Variants in ANKFN1 observed in about 807,000 individuals in gnomAD.
The protein encoded by ANKFN1 is ankyrin repeat and fibronectin type-III domain-containing protein 1.
A neutral mutation model predicts 108.7 loss-of-function variants in ANKFN1; 74 were observed. The observed-to-expected ratio is 0.68, with a 90% CI of 0.56 to 0.83. The LOEUF (loss-of-function observed/expected upper bound fraction) is 0.83, where lower values mean the gene tolerates loss of function less well. Ranked by LOEUF, ANKFN1 falls within the 40% of genes least tolerant of loss-of-function variation. The pLI, the probability that ANKFN1 is intolerant of heterozygous loss-of-function variation, is 0.00. For synonymous variants in ANKFN1, 547 were observed against 516.2 expected (o/e 1.06, Z -0.81); for missense variants, 1,505 against 1,382.3 (o/e 1.09, Z -1.41).
chr17:56,251,545 T>C (rs2043236457), intron 3 of ANKFN1, among the ~76,000 whole-genome samples: 1 of 152,230 alleles, frequency 6.6e-6, no homozygotes, highest in South Asian at 2.1e-4. Context: ...GGAGAGACTT[T>C]TGTGAAGCAG....
intron 4 of ANKFN1, among the ~76,000 whole-genome samples, chr17:56,092,367 C>T (rs1406792917): frequency 6.7e-6 from 1 of 148,960 alleles, no homozygotes; most frequent in African/African-American, 2.5e-5. Flanking sequence ...CTCTGCCTCC[C>T]GGGTTCAGGT....
chr17:56,421,607 G>T (rs1011959859), intron 8 of ANKFN1, among the ~76,000 whole-genome samples: 1 of 152,116 alleles, frequency 6.6e-6, no homozygotes, highest in African/African-American at 2.4e-5. Context: ...GCATTAGTAC[G>T]CATACCCTGT....
chr17:56,257,161 G>T (rs954087775), intron 3 of ANKFN1, among the ~76,000 whole-genome samples: 3 of 152,180 alleles, frequency 2.0e-5, no homozygotes, highest in African/African-American at 7.2e-5. Context: ...GGTATAGTAA[G>T]AACTCAATAG....
chr17:56,235,114 C>CT, intron 3 of ANKFN1, among the ~76,000 whole-genome samples: 1 of 152,130 alleles, frequency 6.6e-6, no homozygotes, highest in East Asian at 1.9e-4. Flanking sequence ...TGATATTTGA[C>CT]TTTTTTTCAT....
intron 5 of ANKFN1, among the ~76,000 whole-genome samples, chr17:56,352,319 C>T (rs1347366070): frequency 6.6e-6 from 1 of 152,158 alleles, no homozygotes; most frequent in Non-Finnish European, 1.5e-5. Context: ...CTAAAGCTGA[C>T]CTGCAGCCTT....
chr17:56,480,956 T>A (rs1461054640), intron 17 of ANKFN1, 138 bp downstream of exon 17: 1 of 1,019,910 alleles, frequency 9.8e-7, no homozygotes, highest in African/African-American at 1.6e-5. Flanking sequence ...ACTTTGCAAG[T>A]GCATGCACAT....
intron 8 of ANKFN1, among the ~76,000 whole-genome samples, chr17:56,430,618 T>A (rs962760947): frequency 6.6e-6 from 1 of 151,930 alleles, no homozygotes; most frequent in South Asian, 2.1e-4. Flanking sequence ...TATCACAACA[T>A]CATATTGTAA....
chr17:56,244,700 G>C (rs1231581055), intron 3 of ANKFN1, among the ~76,000 whole-genome samples: 1 of 152,148 alleles, frequency 6.6e-6, no homozygotes, highest in Non-Finnish European at 1.5e-5. Flanking sequence ...CAGCAGAGCA[G>C]TTAGAGCTGT....
At chr17:56,228,354 G>T in intron 3 of ANKFN1, 1 of 192,378 alleles carries the variant, frequency 5.2e-6, no homozygotes, top group Non-Finnish European at 1.0e-5. Context: ...TTAACGGCAT[G>T]GTGGTAACCT....
At position 56,431,139 on chromosome 17, in the gene ANKFN1, C is replaced by A. The variant is rs549965359; in HGVS notation, c.911-9188C>A. 3.4e-4 allele frequency among the ~76,000 whole-genome samples: 51 copies of A among 152,204 alleles called. No individual in the cohort carries two copies. The South Asian group carries it at 0.01, about 30-fold the overall frequency. ...ACTAGCAGATGGAGAAGGCCCAGAC[C>A]ATCCAGACCTTGTAGGCCAGGGGAA... On this transcript the variant is annotated intron_variant, in intron 8 of 20. Transcript: ENST00000682825.
chr17:56,430,180 C>T (rs191418296), intron 8 of ANKFN1, among the ~76,000 whole-genome samples: 113 of 152,172 alleles, frequency 7.4e-4, no homozygotes, highest in African/African-American at 2.6e-3. Flanking sequence ...TCTCCATAAC[C>T]CTACAACCTA....
chr17:56,499,018 A>T lies in ANKFN1; in HGVS notation c.2564A>T (p.Asn855Ile). The change falls in exon 20 of 21, where the codon AAT becomes ATT. Residue 855 changes from asparagine (N) to isoleucine (I), a missense_variant. By Grantham distance (149) the Asn-to-Ile change is moderately radical. Transcript: ENST00000682825. ...GATGAGCAGAGCCTAAAGAAGATCA[A>T]TTCTACATCATCATCACATATAGAC... ...PSDEQSLKKI[N>I]STSSSHIDCL... 1 of 1,535,772 alleles carries T rather than the reference A, an allele frequency of 6.5e-7. No individual in the cohort carries two copies. The highest frequency in any genetic ancestry group is 8.7e-7 in the Non-Finnish European group (1 of 1,146,658).
intron 14 of ANKFN1, among the ~76,000 whole-genome samples, chr17:56,463,204 C>T (rs893729741): frequency 6.6e-6 from 1 of 152,150 alleles, no homozygotes; most frequent in Admixed American, 6.5e-5. Context: ...TTTGCCACAA[C>T]CTAATGAGAA....
intron 19 of ANKFN1, among the ~76,000 whole-genome samples, chr17:56,495,306 C>T (rs79316193): frequency 0.031 from 4,354 of 142,542 alleles, 220 homozygotes; most frequent in East Asian, 0.14. Context: ...TTTATGTTGA[C>T]TTTGTGGTCT....
chr17:56,199,602 G>A (rs1913859305), intron 1 of ANKFN1, among the ~76,000 whole-genome samples: 3 of 151,974 alleles, frequency 2.0e-5, no homozygotes, highest in Non-Finnish European at 4.4e-5. Context: ...TCCACTTAGT[G>A]CATTCCAGCA....
chr17:56,324,201 G>C (rs767059151), intron 3 of ANKFN1, among the ~76,000 whole-genome samples: 44 of 152,198 alleles, frequency 2.9e-4, no homozygotes, highest in Non-Finnish European at 5.6e-4. Flanking sequence ...GATAGGAAGA[G>C]CCAGAATATG....
At chr17:56,183,133 C>T (rs2143638621) in intron 1 of ANKFN1, among the ~76,000 whole-genome samples, 1 of 152,278 alleles carries the variant, frequency 6.6e-6, no homozygotes, top group South Asian at 2.1e-4. Context: ...GTCATGCCTG[C>T]TAACACAGCA....
chr17:56,116,213 A>G (rs989748591), intron 4 of ANKFN1, among the ~76,000 whole-genome samples: 2 of 152,142 alleles, frequency 1.3e-5, no homozygotes, highest in African/African-American at 4.8e-5. Context: ...CTCCTCAACT[A>G]GACATACAAT....
At chr17:56,467,811 AAAG>A (rs1568026553) in intron 15 of ANKFN1, among the ~76,000 whole-genome samples, 2 of 36,472 alleles carry the variant, frequency 5.5e-5, no homozygotes, top group Non-Finnish European at 9.8e-5. Flanking sequence ...AGAAAGAAAG[AAAG>A]AAAGAAAGAA....
Sources: allele counts gnomAD v4.1 joint callset (sites outside exome capture counted in the v4.1 genomes callset), GRCh38; gene constraint gnomAD v4.1.1; transcripts MANE v1.5; gene names NCBI Gene and HGNC (gene_info 2026-07-23, HGNC 2026-07-21).